The following MTCL2 variants were observed in gnomAD, a reference collection of about 807,000 sequenced individuals.
MTCL2 encodes microtubule cross-linking factor 2.
At chr20:36,796,732 C>A in the MTCL2 span, 3 of 694,050 alleles carry the variant, frequency 4.3e-6, no homozygotes, top group Non-Finnish European at 7.4e-6. Flanking sequence ...AACTTGGATG[C>A]GGTGGGGTGG....
the MTCL2 span, among the ~76,000 whole-genome samples, chr20:36,839,904 C>T: frequency 6.6e-6 from 1 of 152,208 alleles, no homozygotes; most frequent in Admixed American, 6.5e-5. The surrounding 1 kb of genome is among the most constrained non-coding windows in gnomAD (Gnocchi z 5.1). Context: ...CTCTGTTGCC[C>T]AGGCTGGAGT....
chr20:36,809,472 G>A, the MTCL2 span, among the ~76,000 whole-genome samples: 5 of 152,104 alleles, frequency 3.3e-5, no homozygotes, highest in Admixed American at 2.0e-4. Flanking sequence ...CCCACAGGCC[G>A]CCAATGACAG....
At chr20:36,793,931 C>T in the MTCL2 span, 15 of 1,551,334 alleles carry the variant, frequency 9.7e-6, no homozygotes, top group Admixed American at 1.2e-4. The surrounding 1 kb of genome is among the most constrained non-coding windows in gnomAD (Gnocchi z 6.8). Context: ...GCTGACCGTG[C>T]GGATGGTCTG....
the MTCL2 span, chr20:36,862,676 C>T: frequency 9.3e-6 from 14 of 1,499,942 alleles, no homozygotes; most frequent in African/African-American, 7.1e-5. Context: ...AGTCGTTCTC[C>T]GAGCGCAGCT....
At chr20:36,862,628 C>A in the MTCL2 span, 2 of 1,478,706 alleles carry the variant, frequency 1.4e-6, no homozygotes, top group Non-Finnish European at 1.8e-6. Context: ...GCGACCCCTG[C>A]GACCTCCCTT....
At chr20:36,854,482 G>A in the MTCL2 span, among the ~76,000 whole-genome samples, 4 of 152,296 alleles carry the variant, frequency 2.6e-5, no homozygotes, top group African/African-American at 9.6e-5. Flanking sequence ...GGAACTGCAA[G>A]CACAAAGGCC....
chr20:36,832,022 T>C, the MTCL2 span, among the ~76,000 whole-genome samples: 1 of 152,194 alleles, frequency 6.6e-6, no homozygotes, highest in African/African-American at 2.4e-5. Flanking sequence ...CAGACATACT[T>C]GGCCTCATTC....
At chr20:36,854,457 C>G in the MTCL2 span, among the ~76,000 whole-genome samples, 1 of 152,200 alleles carries the variant, frequency 6.6e-6, no homozygotes, top group East Asian at 1.9e-4. Context: ...AGGAAGAAAC[C>G]AAGGGAAGGA....
the MTCL2 span, chr20:36,863,075 C>G: frequency 2.1e-6 from 3 of 1,402,366 alleles, no homozygotes; most frequent in African/African-American, 1.5e-5. The surrounding 1 kb of genome is among the most constrained non-coding windows in gnomAD (Gnocchi z 6.2). Flanking sequence ...CGGTGCGGAC[C>G]CCGGCCACCC....
chr20:36,847,267 T>G, the MTCL2 span, among the ~76,000 whole-genome samples: 1 of 152,240 alleles, frequency 6.6e-6, no homozygotes, highest in Non-Finnish European at 1.5e-5. Flanking sequence ...GCTCTTCCAA[T>G]TTGTTCAGCT....
At chr20:36,816,661 C>G in the MTCL2 span, among the ~76,000 whole-genome samples, 1 of 152,162 alleles carries the variant, frequency 6.6e-6, no homozygotes, top group African/African-American at 2.4e-5. Context: ...CTGACAATCC[C>G]ATACCACTAG....
At chr20:36,857,846 T>A in the MTCL2 span, among the ~76,000 whole-genome samples, 1 of 152,168 alleles carries the variant, frequency 6.6e-6, no homozygotes, top group African/African-American at 2.4e-5. Flanking sequence ...CGGCAATGAC[T>A]GGGACACACT....
chr20:36,793,894 G>C, the MTCL2 span: 14 of 1,550,686 alleles, frequency 9.0e-6, no homozygotes, highest in East Asian at 3.4e-4. The surrounding 1 kb of genome is among the most constrained non-coding windows in gnomAD (Gnocchi z 6.8). Context: ...GGAGGCTGCT[G>C]CGGGGTGGGT....
the MTCL2 span, among the ~76,000 whole-genome samples, chr20:36,798,947 C>T: frequency 1.3e-5 from 2 of 152,210 alleles, no homozygotes; most frequent in African/African-American, 2.4e-5. Context: ...CAGGAACGCG[C>T]TCAGTCCCAG....
At chr20:36,840,777 C>T in the MTCL2 span, among the ~76,000 whole-genome samples, 371 of 151,662 alleles carry the variant, frequency 2.4e-3, 5 homozygotes, top group South Asian at 0.017. Context: ...ACCCAGGAGG[C>T]GGAGCTTGCA....
At chr20:36,806,408 T>G in the MTCL2 span, among the ~76,000 whole-genome samples, 1 of 152,230 alleles carries the variant, frequency 6.6e-6, no homozygotes, top group Non-Finnish European at 1.5e-5. Context: ...AATGCTGGGA[T>G]TACAGGCGCG....
At chr20:36,793,816 G>A in the MTCL2 span, 1 of 1,542,872 alleles carries the variant, frequency 6.5e-7, no homozygotes, top group Non-Finnish European at 8.7e-7. This position sits in a 1 kb window ranked among gnomAD's most constrained non-coding sequence, Gnocchi z 6.8. Context: ...CCTTGTCCAG[G>A]GAGGAGGAGA....
At chr20:36,861,300 T>G in the MTCL2 span, among the ~76,000 whole-genome samples, 1 of 152,176 alleles carries the variant, frequency 6.6e-6, no homozygotes, top group East Asian at 1.9e-4. Flanking sequence ...GAACTCCCAG[T>G]TGCCAACACC....
the MTCL2 span, among the ~76,000 whole-genome samples, chr20:36,849,292 C>G: frequency 1.3e-5 from 2 of 151,776 alleles, no homozygotes; most frequent in African/African-American, 4.8e-5. Context: ...GAACTCCTGA[C>G]AGGTAATCCA....
Sources: allele counts gnomAD v4.1 joint callset (sites outside exome capture counted in the v4.1 genomes callset), GRCh38; gene constraint gnomAD v4.1.1; non-coding constraint Gnocchi (gnomAD v3.1); transcripts MANE v1.5; gene names NCBI Gene and HGNC (gene_info 2026-07-23, HGNC 2026-07-21).